FAM227B: variants seen among roughly 807,000 people sequenced by gnomAD.
FAM227B encodes protein FAM227B.
In FAM227B, 88 loss-of-function variants were observed where a neutral mutation model predicts 73.8. The observed-to-expected ratio is 1.19, with a 90% CI of 1.00 to 1.42. The LOEUF is 1.42. FAM227B is among the 40% of genes most tolerant of loss of function. FAM227B has a pLI of 0.00. For synonymous variants in FAM227B, 210 were observed against 190.5 expected (o/e 1.10, Z -0.84); for missense variants, 632 against 590.9 (o/e 1.07, Z -0.72).
intron 11 of FAM227B, among the ~76,000 whole-genome samples, chr15:49,451,827 C>A (rs928463594): frequency 6.6e-6 from 1 of 152,092 alleles, no homozygotes; most frequent in Non-Finnish European, 1.5e-5. Context: ...TCAAGTAAAT[C>A]TTTTACCTAG....
intron 11 of FAM227B, among the ~76,000 whole-genome samples, chr15:49,416,009 T>C (rs1843204656): frequency 6.6e-6 from 1 of 152,112 alleles, no homozygotes; most frequent in African/African-American, 2.4e-5. Context: ...CAATCTCCTA[T>C]TACCATGACC....
chr15:49,612,031 TTC>T (rs1160429953), intron 2 of FAM227B, among the ~76,000 whole-genome samples: 2 of 145,598 alleles, frequency 1.4e-5, no homozygotes, highest in African/African-American at 5.3e-5. Flanking sequence ...TGGCTGAATT[TTC>T]TTTTTTTTTT....
chr15:49,338,837 T>C (rs911242718), intron 13 of FAM227B, among the ~76,000 whole-genome samples: 1 of 152,214 alleles, frequency 6.6e-6, no homozygotes, highest in Non-Finnish European at 1.5e-5. Flanking sequence ...TTTCATTCTT[T>C]TTTTCTCTAA....
intron 11 of FAM227B, chr15:49,424,516 A>G: frequency 1.9e-6 from 3 of 1,612,958 alleles, no homozygotes; most frequent in Non-Finnish European, 1.7e-6. Context: ...TCTGTCGAAC[A>G]CAGTGGTACC....
intron 13 of FAM227B, among the ~76,000 whole-genome samples, chr15:49,340,660 T>C (rs1256823735): frequency 6.6e-6 from 1 of 152,190 alleles, no homozygotes; most frequent in Non-Finnish European, 1.5e-5. Context: ...ATTCTGGATA[T>C]AAGAACTTTG....
intron 13 of FAM227B, among the ~76,000 whole-genome samples, chr15:49,351,847 T>C (rs1339753156): frequency 6.6e-6 from 1 of 152,180 alleles, no homozygotes; most frequent in African/African-American, 2.4e-5. Context: ...CCTTAGTCAG[T>C]GGATGTGGGC....
At chr15:49,507,484 C>T (rs2058667015) in intron 11 of FAM227B, among the ~76,000 whole-genome samples, 1 of 152,042 alleles carries the variant, frequency 6.6e-6, no homozygotes, top group Non-Finnish European at 1.5e-5. Context: ...AGCCTAGATT[C>T]TGATTTAACC....
chr15:49,338,236 A>G (rs2040099613), intron 13 of FAM227B, among the ~76,000 whole-genome samples: 1 of 152,038 alleles, frequency 6.6e-6, no homozygotes, highest in African/African-American at 2.4e-5. Flanking sequence ...GATGGTCTTT[A>G]CAATTTGGTA....
chr15:49,424,986 T>C (rs1296320813), intron 11 of FAM227B: 2 of 153,418 alleles, frequency 1.3e-5, no homozygotes, highest in Non-Finnish European at 2.9e-5. Flanking sequence ...AGTAGGGAAA[T>C]TATTTTTATT....
chr15:49,366,625 G>A (rs2045238903), intron 13 of FAM227B: 2 of 1,588,684 alleles, frequency 1.3e-6, no homozygotes, highest in Non-Finnish European at 8.6e-7. Flanking sequence ...CTGTCAGCTG[G>A]AGCAGGAAGC....
rs1417754354 is a variant in FAM227B at position 49,437,675 on chromosome 15, C to G, written c.1013-66276G>C. Among the ~76,000 whole-genome samples the G allele has an allele frequency of 3.3e-5, 5 of 151,644 alleles. No homozygotes were observed. The East Asian group carries it at 9.7e-4, about 29-fold the overall frequency. ...TTGTATTCTGAAAGTTGCAGTGGCT[C>G]TTTCCAGCAATTAGAATACTATTTA... On this transcript the variant is annotated intron_variant, in intron 11 of 15. Transcript: ENST00000299338.
chr15:49,590,796 T>C (rs1360074914), intron 3 of FAM227B, among the ~76,000 whole-genome samples: 2 of 152,096 alleles, frequency 1.3e-5, no homozygotes, highest in Non-Finnish European at 2.9e-5. Flanking sequence ...TGTCTGAAAC[T>C]TTGCACCCTT....
chr15:49,339,727 C>T (rs771445397), intron 13 of FAM227B, among the ~76,000 whole-genome samples: 1 of 152,254 alleles, frequency 6.6e-6, no homozygotes. Flanking sequence ...TGCCTACAAC[C>T]GCCCCTTGCC....
At position 49,568,326 on chromosome 15, in the gene FAM227B, A is replaced by G. The variant is rs2074823458; in HGVS notation, c.666T>C (p.Asp222=). Residue 222 remains aspartate (D), a synonymous_variant, in exon 9 of 16, where the codon GAT becomes GAC. Transcript: ENST00000299338. ...HKFRPDRENQ[D]CLFDRISESY... is the part of the protein sequence containing the mutation. ...TTTCTGAAATTCTATCGAATAAGCA[A>G]TCTTGGTTTTCTCTGTCAGGCTTAA... 1 of 1,610,700 alleles carries G rather than the reference A, an allele frequency of 6.2e-7. No individual in the cohort carries two copies. Among genetic ancestry groups the G allele is most frequent in the South Asian group, 1.1e-5 (1 of 90,642 alleles).
In FAM227B at chr15:49,351,751, C is replaced by T. The variant is rs547709533; in HGVS notation, c.1271+15697G>A. Among the ~76,000 whole-genome samples the T allele has an allele frequency of 5.1e-5, 5 of 98,100 alleles. No individual in the cohort carries two copies. The East Asian group carries it at 1.2e-3, about 23-fold the overall frequency. The allele number at this position is 98,100 out of a possible 152,430, so 64.4% of individuals were successfully genotyped here. A position where few individuals can be genotyped will look rare whatever the true frequency, so the allele number is the denominator to read the frequency against. ...ATAACAGTCCCAATGGATGTCTCAG[C>T]TGACCCTATAAGGGAGGTCTGAAGC... is the stretch of plus-strand genomic sequence containing the variant. On this transcript the variant is annotated intron_variant, in intron 13 of 15. Coordinates refer to ENST00000299338, the MANE Select transcript of FAM227B (RefSeq NM_152647.3).
intron 11 of FAM227B, among the ~76,000 whole-genome samples, chr15:49,383,592 T>G (rs1423739465): frequency 6.6e-6 from 1 of 152,074 alleles, no homozygotes; most frequent in Non-Finnish European, 1.5e-5. Context: ...TATTTTATTA[T>G]GTAAAAATTC....
chr15:49,415,151 G>C (rs2049126936), intron 11 of FAM227B, among the ~76,000 whole-genome samples: 1 of 152,056 alleles, frequency 6.6e-6, no homozygotes, highest in Non-Finnish European at 1.5e-5. Context: ...CTAACACATT[G>C]ATATCCAGGA....
chr15:49,401,286 C>A (rs948426514), intron 11 of FAM227B, among the ~76,000 whole-genome samples: 7 of 152,260 alleles, frequency 4.6e-5, no homozygotes, highest in Non-Finnish European at 5.9e-5. Flanking sequence ...AAATGCAAAT[C>A]AAAACCACAA....
At chr15:49,559,024 T>A (rs2074010483) in intron 9 of FAM227B, among the ~76,000 whole-genome samples, 1 of 152,054 alleles carries the variant, frequency 6.6e-6, no homozygotes, top group African/African-American at 2.4e-5. Flanking sequence ...GAGATTAAAT[T>A]ATGCCCTGAA....
Sources: gnomAD v4.1 joint callset for allele counts (sites outside exome capture counted in the v4.1 genomes callset) on GRCh38, gnomAD v4.1.1 for gene constraint, MANE v1.5 for transcripts, NCBI Gene and HGNC (gene_info 2026-07-23, HGNC 2026-07-21) for gene names.